Variants in ZDHHC11B observed in about 807,000 individuals in gnomAD.
ZDHHC11B encodes the protein zDHHC palmitoyltransferase 11B (putative), also known as probable palmitoyltransferase ZDHHC11B.
In ZDHHC11B, 17 loss-of-function variants were observed where a neutral mutation model predicts 42.3. The observed-to-expected ratio is 0.40, with a 90% CI of 0.27 to 0.60. ZDHHC11B has a LOEUF of 0.60. ZDHHC11B is among the 20% of genes least tolerant of loss of function. ZDHHC11B has a pLI of 0.41. For missense variants in ZDHHC11B, 262 were observed against 463.2 expected, an observed-to-expected ratio of 0.57 and a Z score of 3.99; for synonymous variants, 123 against 193.5, an observed-to-expected ratio of 0.64 and a Z score of 3.02.
intron 1 of ZDHHC11B, among the ~76,000 whole-genome samples, chr5:777,410 AGCTGCAGACCTTC>A (rs1417770091): frequency 4.6e-5 from 7 of 151,820 alleles, no homozygotes; most frequent in African/African-American, 9.7e-5. Context: ...TCAAGAGCAA[AGCTGCAGACCTTC>A]GCTGCAGACC....
At chr5:743,002 T>G (rs1179933428) in intron 9 of ZDHHC11B, among the ~76,000 whole-genome samples, 1 of 149,954 alleles carries the variant, frequency 6.7e-6, no homozygotes, top group Non-Finnish European at 1.5e-5. Context: ...TTGGGGCTAA[T>G]TCTTCTGTGG....
At position 711,842 on chromosome 5, in the gene ZDHHC11B, T is replaced by TCAGTACTGTGCTCCCATTTCC. The variant is rs1741403729; in HGVS notation, c.*427_*447dup. The stretch of plus-strand genomic sequence containing the variant: ...TTTCCCAGTACTGTGCTCCCATTTC[T>TCAGTACTGTGCTCCCATTTCC]CAGTACTGTGCTCCCATTTCCCAGT... On this transcript the variant is annotated 3_prime_UTR_variant, in exon 14 of 14. Transcript: ENST00000508859. The TCAGTACTGTGCTCCCATTTCC allele has an allele frequency of 6.3e-5, 6 of 94,866 alleles. No individual in the cohort carries two copies. The highest frequency in any genetic ancestry group is 1.8e-4 in the African/African-American group (4 of 22,658). 5.9% of individuals were successfully genotyped at this position (94,866 alleles called of 1,614,324 possible).
rs1332844364 is a variant in ZDHHC11B at position 711,415 on chromosome 5, G to C, written c.*875C>G. ...TAGTACTGTGCTCCCATTTCCCAGT[G>C]CTGTGCTCCCAATTCCCAGTACTGT... On this transcript the variant is annotated 3_prime_UTR_variant, in exon 14 of 14. Transcript: ENST00000508859. 1.5e-5 allele frequency: 2 copies of C among 133,804 alleles called. No individual in the cohort carries two copies. The highest frequency in any genetic ancestry group is 5.9e-5 in the African/African-American group (2 of 34,164). The allele number at this position is 133,804 out of a possible 1,614,324, so 8.3% of individuals were successfully genotyped here.
At chr5:773,870 C>T (rs1262928793) in intron 1 of ZDHHC11B, among the ~76,000 whole-genome samples, 2 of 151,872 alleles carry the variant, frequency 1.3e-5, no homozygotes, top group Non-Finnish European at 2.9e-5. Flanking sequence ...AGGATGGTGC[C>T]TACGGGCTCA....
intron 12 of ZDHHC11B, among the ~76,000 whole-genome samples, chr5:717,559 C>T (rs1218890366): frequency 4.0e-5 from 6 of 151,826 alleles, no homozygotes; most frequent in Admixed American, 2.0e-4. Context: ...ATCAAAACAG[C>T]GTATCCATCA....
intron 6 of ZDHHC11B, among the ~76,000 whole-genome samples, chr5:751,955 T>C (rs1219187508): frequency 8.3e-6 from 1 of 119,858 alleles, no homozygotes; most frequent in African/African-American, 2.7e-5. Context: ...CGCCCAAGCC[T>C]ACCAGCGGAG....
intron 12 of ZDHHC11B, among the ~76,000 whole-genome samples, chr5:718,225 C>G (rs72503631): frequency 6.6e-6 from 1 of 151,776 alleles, no homozygotes; most frequent in Non-Finnish European, 1.5e-5. Flanking sequence ...TATAAAAATG[C>G]AGAGGAAGTT....
At chr5:775,712 G>C (rs62332152) in intron 1 of ZDHHC11B, among the ~76,000 whole-genome samples, 1,679 of 151,798 alleles carry the variant, frequency 0.011, 46 homozygotes, top group Non-Finnish European at 0.016. Flanking sequence ...CGCCGCCCAG[G>C]AGTCCAACGT....
chr5:757,596 G>A (rs1734039198), intron 4 of ZDHHC11B, among the ~76,000 whole-genome samples: 1 of 151,954 alleles, frequency 6.6e-6, no homozygotes, highest in African/African-American at 2.4e-5. Context: ...TGGGAAGCCT[G>A]AGTGTGAAGC....
chr5:777,332 T>C (rs1736595221), intron 1 of ZDHHC11B, among the ~76,000 whole-genome samples: 1 of 151,810 alleles, frequency 6.6e-6, no homozygotes, highest in South Asian at 2.1e-4. Context: ...GAGTGTTACT[T>C]ACGCCTCTCA....
chr5:739,107 C>A (rs1322939266), intron 10 of ZDHHC11B, among the ~76,000 whole-genome samples: 6 of 149,490 alleles, frequency 4.0e-5, no homozygotes, highest in Non-Finnish European at 8.9e-5. Context: ...AAAAAAAAAA[C>A]AAATCATCCA....
chr5:732,967 C>A (rs751976569), intron 11 of ZDHHC11B, among the ~76,000 whole-genome samples: 2 of 151,702 alleles, frequency 1.3e-5, no homozygotes, highest in South Asian at 4.2e-4. Flanking sequence ...TGAGGTGGGA[C>A]AATTGCTTGA....
chr5:753,129 GT>G (rs1404093271), intron 6 of ZDHHC11B, among the ~76,000 whole-genome samples: 1 of 129,554 alleles, frequency 7.7e-6, no homozygotes, highest in African/African-American at 2.5e-5. Context: ...CCTTCTTTCC[GT>G]CCCCCTTCCT....
At chr5:718,197 AGT>A (rs1241626171) in intron 12 of ZDHHC11B, among the ~76,000 whole-genome samples, 3 of 151,982 alleles carry the variant, frequency 2.0e-5, no homozygotes, top group South Asian at 2.1e-4. Context: ...GTGTTGTAAA[AGT>A]GTGTGTAAGT....
chr5:736,288 T>C (rs940675003), intron 10 of ZDHHC11B, among the ~76,000 whole-genome samples: 2 of 149,872 alleles, frequency 1.3e-5, no homozygotes, highest in African/African-American at 2.5e-5. Flanking sequence ...TAACTATATA[T>C]GCACCTAACG....
At chr5:750,947 G>A (rs1311605475) in intron 7 of ZDHHC11B, among the ~76,000 whole-genome samples, 186 bp downstream of exon 7, 3 of 112,904 alleles carry the variant, frequency 2.7e-5, no homozygotes, top group African/African-American at 8.3e-5. Context: ...CCTCCCGCGC[G>A]CTGGGGGCTG....
chr5:775,166 C>A (rs1449281138), intron 1 of ZDHHC11B, among the ~76,000 whole-genome samples: 2 of 151,976 alleles, frequency 1.3e-5, no homozygotes, highest in African/African-American at 4.8e-5. Flanking sequence ...CACAAGTGTC[C>A]TGCAGGCCCC....
chr5:748,701 A>G (rs3817057), intron 7 of ZDHHC11B, 142 bp from the exon 8 acceptor site: 41,292 of 1,013,924 alleles, frequency 0.041, 4,230 homozygotes, highest in East Asian at 0.25. Context: ...CCTGGTGGAC[A>G]CCTTCCTTAC....
At chr5:759,630 G>T (rs2127150629) in intron 4 of ZDHHC11B, among the ~76,000 whole-genome samples, 1 of 152,030 alleles carries the variant, frequency 6.6e-6, no homozygotes, top group Non-Finnish European at 1.5e-5. Flanking sequence ...ACAGACGCGG[G>T]CACGCGGGCA....
Sources: gnomAD v4.1 joint callset for allele counts (sites outside exome capture counted in the v4.1 genomes callset) on GRCh38, gnomAD v4.1.1 for gene constraint, MANE v1.5 for transcripts, NCBI Gene and HGNC (gene_info 2026-07-23, HGNC 2026-07-21) for gene names.